L3MBTL4: variants seen among roughly 807,000 people sequenced by gnomAD.
L3MBTL4 encodes the protein L3MBTL histone methyl-lysine binding protein 4.
A neutral mutation model predicts 84.5 loss-of-function variants in L3MBTL4; 70 were observed. That is an observed-to-expected ratio of 0.83 (90% CI 0.68 to 1.01). The LOEUF (loss-of-function observed/expected upper bound fraction) is 1.01. L3MBTL4 is among the 50% of genes least tolerant of loss of function. The pLI is 0.00. For missense variants in L3MBTL4, 715 were observed against 754.8 expected, an observed-to-expected ratio of 0.95 and a Z score of 0.62; for synonymous variants, 274 against 259.8, an observed-to-expected ratio of 1.05 and a Z score of -0.52.
intron 1 of L3MBTL4, among the ~76,000 whole-genome samples, chr18:6,358,005 C>T (rs940826735): frequency 1.2e-4 from 18 of 152,178 alleles, no homozygotes; most frequent in African/African-American, 2.9e-4. Flanking sequence ...GAAGACAAAG[C>T]GGAGCACACA....
In L3MBTL4 at chr18:6,365,748, C is replaced by T. The variant is rs1461173156; in HGVS notation, c.-91+49053G>A. The stretch of plus-strand genomic sequence containing the variant: ...AAAAATGCCAGCTTTTGAAAAGTTA[C>T]TTGAAACACTGTATTGTTTGCAAGC... On this transcript the variant is annotated intron_variant, in intron 1 of 18. Coordinates refer to ENST00000317931, the MANE Select transcript of L3MBTL4 (RefSeq NM_001330559.2). Among the ~76,000 whole-genome samples, 4 of 152,336 alleles carry T rather than the reference C, an allele frequency of 2.6e-5. No individual in the cohort carries two copies. In the East Asian group the frequency reaches 7.7e-4, roughly 29 times the overall value.
chr18:6,360,858 A>T (rs1599773405), intron 1 of L3MBTL4, among the ~76,000 whole-genome samples: 1 of 151,794 alleles, frequency 6.6e-6, no homozygotes, highest in South Asian at 2.1e-4. Flanking sequence ...ATTTAAATTT[A>T]AAAAATTAGC....
chr18:6,049,228 C>T (rs940595988), intron 16 of L3MBTL4, among the ~76,000 whole-genome samples: 23 of 152,132 alleles, frequency 1.5e-4, no homozygotes, highest in African/African-American at 2.9e-4. Flanking sequence ...GCAATTGCAA[C>T]GAAAACAAAA....
intron 1 of L3MBTL4, among the ~76,000 whole-genome samples, chr18:6,373,217 A>G (rs930881230): frequency 6.6e-6 from 1 of 152,194 alleles, no homozygotes; most frequent in Non-Finnish European, 1.5e-5. Context: ...TTGTCTCTGC[A>G]ACCTCATCCG....
intron 12 of L3MBTL4, among the ~76,000 whole-genome samples, chr18:6,201,426 G>T (rs1278435336): frequency 6.6e-6 from 1 of 152,154 alleles, no homozygotes; most frequent in Admixed American, 6.5e-5. Flanking sequence ...GAGGGTGTGT[G>T]AAACAGTTCT....
chr18:6,222,114 C>T (rs1475422617), intron 10 of L3MBTL4, among the ~76,000 whole-genome samples: 6 of 152,172 alleles, frequency 3.9e-5, no homozygotes, highest in South Asian at 2.1e-4. Context: ...CTCACATTTA[C>T]GGTGCCTTAG....
At chr18:6,363,029 G>A (rs1298134501) in intron 1 of L3MBTL4, among the ~76,000 whole-genome samples, 1 of 152,156 alleles carries the variant, frequency 6.6e-6, no homozygotes, top group Non-Finnish European at 1.5e-5. Context: ...GTGAAAAATG[G>A]AGGGGCTGTT....
chr18:6,170,265 C>T (rs2043901769), intron 13 of L3MBTL4, among the ~76,000 whole-genome samples: 1 of 152,112 alleles, frequency 6.6e-6, no homozygotes, highest in Admixed American at 6.6e-5. Flanking sequence ...CTGTGCAACT[C>T]ACTAGCAGAC....
chr18:6,005,162 G>A (rs1201132253), intron 16 of L3MBTL4, among the ~76,000 whole-genome samples: 1 of 151,660 alleles, frequency 6.6e-6, no homozygotes, highest in Non-Finnish European at 1.5e-5. Flanking sequence ...TGGCCAACAT[G>A]GTGAAACCCC....
At chr18:6,345,421 CA>C (rs1157761659) in intron 1 of L3MBTL4, among the ~76,000 whole-genome samples, 4 of 150,126 alleles carry the variant, frequency 2.7e-5, no homozygotes, top group Non-Finnish European at 4.4e-5. Context: ...AACAAACAAA[CA>C]AAAAAAACCA....
At chr18:6,163,440 T>C (rs921341933) in intron 13 of L3MBTL4, among the ~76,000 whole-genome samples, 3 of 151,942 alleles carry the variant, frequency 2.0e-5, no homozygotes, top group African/African-American at 7.3e-5. Context: ...ATAAAGATAA[T>C]TAAAACCATA....
At chr18:6,406,849 T>C (rs1314599612) in intron 1 of L3MBTL4, among the ~76,000 whole-genome samples, 1 of 152,214 alleles carries the variant, frequency 6.6e-6, no homozygotes, top group Admixed American at 6.5e-5. Context: ...AGTTGCTAAA[T>C]GTGGGACATC....
chr18:6,183,396 C>T (rs535963973), intron 12 of L3MBTL4, among the ~76,000 whole-genome samples: 8 of 152,284 alleles, frequency 5.3e-5, no homozygotes, highest in Non-Finnish European at 8.8e-5. Context: ...CCACCGTGGC[C>T]GACGCTGCGC....
chr18:6,277,691 A>G (rs1397898757), intron 4 of L3MBTL4, among the ~76,000 whole-genome samples: 2 of 152,164 alleles, frequency 1.3e-5, no homozygotes, highest in Non-Finnish European at 2.9e-5. Context: ...TTTTCTTCAT[A>G]TAAGGCCCTT....
chr18:6,108,109 G>A (rs2059071866), intron 14 of L3MBTL4, among the ~76,000 whole-genome samples: 1 of 152,138 alleles, frequency 6.6e-6, no homozygotes, highest in African/African-American at 2.4e-5. Context: ...CTCAGCCCTT[G>A]CTACACTAAC....
intron 1 of L3MBTL4, among the ~76,000 whole-genome samples, chr18:6,338,840 A>T (rs961296081): frequency 6.6e-6 from 1 of 152,148 alleles, no homozygotes; most frequent in Non-Finnish European, 1.5e-5. Flanking sequence ...TTTTTAAAAG[A>T]TTGATAAAAC....
chr18:6,014,139 A>G (rs2054856459), intron 16 of L3MBTL4, among the ~76,000 whole-genome samples: 1 of 152,100 alleles, frequency 6.6e-6, no homozygotes, highest in Non-Finnish European at 1.5e-5. Context: ...TCTGCCTCCT[A>G]TGGGGCTGTT....
intron 12 of L3MBTL4, among the ~76,000 whole-genome samples, chr18:6,181,079 G>C (rs991724807): frequency 6.6e-6 from 1 of 152,062 alleles, no homozygotes; most frequent in Non-Finnish European, 1.5e-5. Context: ...TAGATTAGAG[G>C]TTAATAGGGT....
At chr18:6,045,371 G>T (rs1488067830) in intron 16 of L3MBTL4, among the ~76,000 whole-genome samples, 2 of 152,172 alleles carry the variant, frequency 1.3e-5, no homozygotes, top group African/African-American at 4.8e-5. Flanking sequence ...CCTTACAAGA[G>T]ATCCTTAAGG....
Sources: allele counts gnomAD v4.1 joint callset (sites outside exome capture counted in the v4.1 genomes callset), GRCh38; gene constraint gnomAD v4.1.1; transcripts MANE v1.5; gene names NCBI Gene and HGNC (gene_info 2026-07-23, HGNC 2026-07-21).